CNTN4: variants seen among roughly 807,000 people sequenced by gnomAD.
CNTN4 encodes contactin-4.
A neutral mutation model predicts 122.5 loss-of-function variants in CNTN4; 77 were observed. That is an observed-to-expected ratio of 0.63 (90% CI 0.52 to 0.76). The LOEUF is 0.76. Among genes scored for constraint, CNTN4 ranks in the 30% least tolerant of loss-of-function variants. The probability of loss-of-function intolerance (pLI) is 0.00; values close to 1 mark genes in which losing one functional copy is unlikely to be tolerated. For missense variants in CNTN4, 1,256 were observed against 1,259.1 expected (o/e 1.00, Z 0.04); for synonymous variants, 512 against 447.0 (o/e 1.15, Z -1.83).
chr3:3,054,349 G>A (rs569365342), intron 24 of CNTN4, among the ~76,000 whole-genome samples: 17 of 152,318 alleles, frequency 1.1e-4, no homozygotes, highest in Non-Finnish European at 1.9e-4. Context: ...TAAGTATGCC[G>A]TAGCAGTTTT....
At chr3:2,447,829 A>C (rs1031089899) in intron 3 of CNTN4, among the ~76,000 whole-genome samples, 1 of 152,176 alleles carries the variant, frequency 6.6e-6, no homozygotes, top group East Asian at 1.9e-4. Flanking sequence ...CTTCAAATGC[A>C]TTATCTCTTT....
At chr3:2,378,676 T>C (rs1189947158) in intron 3 of CNTN4, among the ~76,000 whole-genome samples, 2 of 152,054 alleles carry the variant, frequency 1.3e-5, no homozygotes, top group East Asian at 3.9e-4. Context: ...TCTCATGAGA[T>C]AAATGAGACT....
chr3:2,124,104 C>T (rs1451396484), intron 2 of CNTN4, among the ~76,000 whole-genome samples: 2 of 152,092 alleles, frequency 1.3e-5, no homozygotes, highest in Non-Finnish European at 2.9e-5. Flanking sequence ...AAATCACTTA[C>T]AATAGATTAA....
chr3:2,499,918 T>C (rs2076551266), intron 3 of CNTN4, among the ~76,000 whole-genome samples: 1 of 152,138 alleles, frequency 6.6e-6, no homozygotes, highest in Non-Finnish European at 1.5e-5. Flanking sequence ...CATTGTCATT[T>C]AGTTATTTTC....
At chr3:2,551,756 C>G (rs1455304582) in intron 3 of CNTN4, among the ~76,000 whole-genome samples, 1 of 152,018 alleles carries the variant, frequency 6.6e-6, no homozygotes, top group Non-Finnish European at 1.5e-5. Context: ...TAACTTTTCT[C>G]TCATCTCAGT....
chr3:2,474,145 G>A (rs780607382), intron 3 of CNTN4, among the ~76,000 whole-genome samples: 2 of 151,882 alleles, frequency 1.3e-5, no homozygotes, highest in African/African-American at 2.4e-5. Context: ...CCTTAACTTT[G>A]TTTAGATACC....
chr3:2,619,346 G>C (rs1021503322), intron 4 of CNTN4, among the ~76,000 whole-genome samples: 1 of 152,190 alleles, frequency 6.6e-6, no homozygotes. Flanking sequence ...GCTTCTAGTA[G>C]CAATAGACAT....
At chr3:3,017,619 C>A (rs150022753) in intron 14 of CNTN4, among the ~76,000 whole-genome samples, 4 of 152,150 alleles carry the variant, frequency 2.6e-5, no homozygotes, top group Admixed American at 2.6e-4. Context: ...AGGCCACCCC[C>A]CAAAAAGAGT....
chr3:2,378,825 T>A (rs151168677), intron 3 of CNTN4, among the ~76,000 whole-genome samples: 29 of 152,230 alleles, frequency 1.9e-4, no homozygotes, highest in African/African-American at 7.0e-4. Flanking sequence ...AAGAGGAGAA[T>A]TTGTGTTGTC....
chr3:2,362,726 C>T, intron 3 of CNTN4: 10 of 333,400 alleles, frequency 3.0e-5, no homozygotes, highest in South Asian at 2.5e-4. Flanking sequence ...GCTGACAGCT[C>T]CAGTGGCCTC....
At chr3:2,314,748 ATG>A (rs1444436079) in intron 2 of CNTN4, among the ~76,000 whole-genome samples, 2 of 152,008 alleles carry the variant, frequency 1.3e-5, no homozygotes, top group Non-Finnish European at 2.9e-5. Flanking sequence ...TATTAACAAA[ATG>A]AGAAAAAATT....
intron 4 of CNTN4, among the ~76,000 whole-genome samples, chr3:2,695,417 C>T (rs1425453028): frequency 1.3e-5 from 2 of 152,226 alleles, no homozygotes; most frequent in African/African-American, 2.4e-5. Flanking sequence ...CACCCTACCC[C>T]CAAGCCTCAC....
intron 3 of CNTN4, among the ~76,000 whole-genome samples, chr3:2,400,719 A>G (rs910079443): frequency 6.6e-6 from 1 of 151,218 alleles, no homozygotes; most frequent in Non-Finnish European, 1.5e-5. Context: ...TGTTGTACCT[A>G]TAAGCAAAGA....
intron 2 of CNTN4, among the ~76,000 whole-genome samples, chr3:2,249,567 C>T (rs919182129): frequency 3.3e-5 from 5 of 151,900 alleles, no homozygotes; most frequent in African/African-American, 1.2e-4. Context: ...CAAGTTTAGT[C>T]ATTTGTTGAG....
intron 3 of CNTN4, among the ~76,000 whole-genome samples, chr3:2,354,536 G>C (rs967334949): frequency 1.3e-5 from 2 of 152,104 alleles, no homozygotes; most frequent in African/African-American, 2.4e-5. Flanking sequence ...CATCAGAAAA[G>C]AAAAACCTGA....
Position 3,046,976 on chromosome 3 carries a change from C to T in CNTN4, c.2811+3272C>T, listed in dbSNP as rs543721091. On this transcript the variant is annotated intron_variant, in intron 23 of 24. Coordinates refer to ENST00000418658, the MANE Select transcript of CNTN4 (RefSeq NM_175607.3). ...ACAAAAAAAAGGCAGGGGTTGCAAT[C>T]CTAGTCTCTGATAAAACAGACTTTA... is the stretch of plus-strand genomic sequence containing the variant. Among the ~76,000 whole-genome samples, 121 of 143,100 alleles carry T rather than the reference C, an allele frequency of 8.5e-4. 3 individuals are homozygous for T. Among genetic ancestry groups the T allele is most frequent in the African/African-American group, 2.9e-3 (110 of 37,634 alleles). The allele number at this position is 143,100 out of a possible 152,430, so 93.9% of individuals were successfully genotyped here.
intron 2 of CNTN4, among the ~76,000 whole-genome samples, chr3:2,154,562 G>C (rs1057050942): frequency 6.6e-6 from 1 of 152,168 alleles, no homozygotes; most frequent in African/African-American, 2.4e-5. Context: ...AGTGGAATAA[G>C]TTCTATGATC....
At chr3:2,631,456 G>A (rs1020589339) in intron 4 of CNTN4, among the ~76,000 whole-genome samples, 2 of 151,988 alleles carry the variant, frequency 1.3e-5, no homozygotes, top group African/African-American at 4.8e-5. Context: ...CCCCTTAAGA[G>A]TTACCATGTA....
intron 4 of CNTN4, among the ~76,000 whole-genome samples, chr3:2,585,318 A>T (rs1026465562): frequency 2.0e-5 from 3 of 151,148 alleles, no homozygotes; most frequent in African/African-American, 7.3e-5. Context: ...ATACCATTTG[A>T]CCCAGCCATC....
Sources: gnomAD v4.1 joint callset for allele counts (sites outside exome capture counted in the v4.1 genomes callset) on GRCh38, gnomAD v4.1.1 for gene constraint, MANE v1.5 for transcripts, NCBI Gene and HGNC (gene_info 2026-07-23, HGNC 2026-07-21) for gene names.